The following ZNF385D variants were observed in gnomAD, a reference collection of about 807,000 sequenced individuals.
ZNF385D encodes the protein zinc finger protein 385D.
ZNF385D carries 15 observed loss-of-function variants against 35.8 expected under a neutral mutation model. The observed-to-expected ratio is 0.42, with a 90% CI of 0.28 to 0.64. The LOEUF (loss-of-function observed/expected upper bound fraction) is 0.64. Ranked by LOEUF, ZNF385D falls within the 30% of genes least tolerant of loss-of-function variation. The pLI is 0.23. For missense variants in ZNF385D, 474 were observed against 494.6 expected, an observed-to-expected ratio of 0.96 and a Z score of 0.39; for synonymous variants, 212 against 186.8, an observed-to-expected ratio of 1.13 and a Z score of -1.10.
intron 2 of ZNF385D, among the ~76,000 whole-genome samples, chr3:22,348,738 G>A (rs971290914): frequency 1.3e-5 from 2 of 152,016 alleles, no homozygotes; most frequent in Admixed American, 1.3e-4. Flanking sequence ...GCACTTATAG[G>A]GGAATATCAT....
rs1267855141 is a variant in ZNF385D, at chr3:21,646,021, CAAAG to C, written c.165+18861_165+18864del. Among the ~76,000 whole-genome samples, 1 of 152,030 alleles carries C rather than the reference CAAAG, an allele frequency of 6.6e-6. No individual in the cohort carries two copies. The highest frequency in any genetic ancestry group is 1.5e-5 in the Non-Finnish European group (1 of 68,024). ...ATGAGCATTGTGTAAAAAGCTCATTCAAAGAAGCTCGGTCCTCATTTACAGGGAA... is the reference window on the plus strand; with the variant it reads ...ATGAGCATTGTGTAAAAAGCTCATTCAAGCTCGGTCCTCATTTACAGGGAA... On this transcript the variant is annotated intron_variant, in intron 2 of 7. Transcript: ENST00000281523. This position sits in a 1 kb window ranked among gnomAD's most constrained non-coding sequence, Gnocchi z 4.3.
chr3:21,852,889 A>G (rs1696473450), intron 3 of ZNF385D, among the ~76,000 whole-genome samples: 1 of 151,892 alleles, frequency 6.6e-6, no homozygotes, highest in South Asian at 2.1e-4. Context: ...TGGTTAAGTC[A>G]TCATGAAATA....
intron 3 of ZNF385D, among the ~76,000 whole-genome samples, chr3:22,146,019 C>G (rs17594253): frequency 0.2 from 30,114 of 152,124 alleles, 3,441 homozygotes; most frequent in Non-Finnish European, 0.26. Context: ...ATGAGTGAAA[C>G]AGTATCTGCT....
chr3:21,494,296 C>T (rs539279187), intron 4 of ZNF385D, among the ~76,000 whole-genome samples: 1 of 152,216 alleles, frequency 6.6e-6, no homozygotes, highest in South Asian at 2.1e-4. Context: ...ATGTGAAGAA[C>T]ATAAACTGTA....
chr3:22,299,619 G>A (rs1702788361), intron 2 of ZNF385D, among the ~76,000 whole-genome samples: 1 of 151,776 alleles, frequency 6.6e-6, no homozygotes, highest in Non-Finnish European at 1.5e-5. Context: ...AATGAATTCT[G>A]TAAAGTTTCA....
chr3:22,161,845 G>T (rs1369532063), intron 3 of ZNF385D, among the ~76,000 whole-genome samples: 1 of 152,122 alleles, frequency 6.6e-6, no homozygotes, highest in African/African-American at 2.4e-5. Context: ...ATACCCAAAT[G>T]TATGGTATAA....
chr3:21,509,008 C>T (rs1431654187), intron 4 of ZNF385D, among the ~76,000 whole-genome samples: 4 of 149,012 alleles, frequency 2.7e-5, no homozygotes, highest in Non-Finnish European at 4.4e-5. Context: ...GATGGAGTCT[C>T]GCTCTATCGC....
At chr3:21,793,177 G>T (rs984710745) in intron 3 of ZNF385D, among the ~76,000 whole-genome samples, 2 of 152,140 alleles carry the variant, frequency 1.3e-5, no homozygotes, top group Non-Finnish European at 2.9e-5. Context: ...GGAGTTGAAA[G>T]AATAAAGTTA....
chr3:21,600,389 G>A (rs2064249419), intron 2 of ZNF385D, among the ~76,000 whole-genome samples: 1 of 152,146 alleles, frequency 6.6e-6, no homozygotes. Flanking sequence ...TTATTGAACA[G>A]CATTGAAGAG....
At chr3:21,596,085 A>T (rs1455025727) in intron 2 of ZNF385D, among the ~76,000 whole-genome samples, 1 of 152,206 alleles carries the variant, frequency 6.6e-6, no homozygotes, top group African/African-American at 2.4e-5. Flanking sequence ...AGCATAATGA[A>T]CATTTAGTTG....
intron 1 of ZNF385D, among the ~76,000 whole-genome samples, chr3:21,666,641 TGTGA>T (rs2066416992): frequency 6.6e-6 from 1 of 152,156 alleles, no homozygotes; most frequent in African/African-American, 2.4e-5. Context: ...GTGTATTGAG[TGTGA>T]GTGTGTAACC....
In ZNF385D at chr3:22,203,819, T is replaced by G. The variant is rs139551604; in HGVS notation, c.107-34784A>C. ...GGTTTCAGTATTAGCTCAGTCGCAG[T>G]AGAATAGAGCATCAGGTAGATTTCT... On this transcript the variant is annotated intron_variant, in intron 2 of 5. Coordinates refer to the ZNF385D transcript ENST00000494108. Among the ~76,000 whole-genome samples the G allele has an allele frequency of 2.3e-3, 356 of 152,256 alleles. 2 individuals are homozygous for G. The highest frequency in any genetic ancestry group is 7.9e-3 in the African/African-American group (327 of 41,564).
At chr3:22,310,759 C>A (rs1040735379) in intron 2 of ZNF385D, among the ~76,000 whole-genome samples, 1 of 151,750 alleles carries the variant, frequency 6.6e-6, no homozygotes, top group Non-Finnish European at 1.5e-5. Flanking sequence ...ATTTGTAGAA[C>A]TTTTATGATT....
chr3:22,224,999 G>C (rs1478767858), intron 2 of ZNF385D, among the ~76,000 whole-genome samples: 5 of 151,962 alleles, frequency 3.3e-5, no homozygotes, highest in Admixed American at 6.6e-5. Context: ...GTTCCTAATA[G>C]TGCTTATTCT....
rs553402767 is a variant in ZNF385D, at chr3:21,904,978, G to T, written c.326-239950C>A. ...AGAAAGAAAAAAGAATATTTTTGAT[G>T]AGTGAAAAATAAACTACGATTCATC... On this transcript the variant is annotated intron_variant, in intron 3 of 5. Transcript: ENST00000494108. Among the ~76,000 whole-genome samples the T allele has an allele frequency of 2.0e-5, 3 of 151,880 alleles. No individual in the cohort carries two copies. In the East Asian group the frequency reaches 5.8e-4, roughly 29 times the overall value.
intron 3 of ZNF385D, among the ~76,000 whole-genome samples, chr3:21,814,740 T>C (rs1214523007): frequency 6.6e-6 from 1 of 152,266 alleles, no homozygotes; most frequent in Non-Finnish European, 1.5e-5. Context: ...AATGGGAGAC[T>C]TTAACACCCC....
intron 2 of ZNF385D, among the ~76,000 whole-genome samples, chr3:21,603,160 A>C (rs1033954972): frequency 1.3e-5 from 2 of 152,380 alleles, no homozygotes; most frequent in Non-Finnish European, 2.9e-5. Flanking sequence ...GGAGACAAGA[A>C]GACGCATAAT....
chr3:22,304,108 T>C (rs1422387872), intron 2 of ZNF385D, among the ~76,000 whole-genome samples: 2 of 152,126 alleles, frequency 1.3e-5, no homozygotes, highest in African/African-American at 2.4e-5. Context: ...AAGCTTCAAC[T>C]ATAATTCTTA....
intron 3 of ZNF385D, among the ~76,000 whole-genome samples, chr3:21,921,205 A>C (rs1700443550): frequency 7.3e-6 from 1 of 136,618 alleles, no homozygotes; most frequent in Non-Finnish European, 1.6e-5. Flanking sequence ...CCTGGGCGAC[A>C]GAGCGAGACT....
Sources: gnomAD v4.1 joint callset for allele counts (sites outside exome capture counted in the v4.1 genomes callset) on GRCh38, gnomAD v4.1.1 for gene constraint, Gnocchi (gnomAD v3.1) non-coding constraint, MANE v1.5 for transcripts, NCBI Gene and HGNC (gene_info 2026-07-23, HGNC 2026-07-21) for gene names.